The following QTMAN variants were observed in gnomAD, a reference collection of about 807,000 sequenced individuals.
QTMAN encodes tRNA-queuosine alpha-mannosyltransferase.
At chr2:144,196,961 A>C in the QTMAN span, among the ~76,000 whole-genome samples, 1 of 152,196 alleles carries the variant, frequency 6.6e-6, no homozygotes, top group Admixed American at 6.5e-5. Context: ...ATACAGTCAT[A>C]CATTGCTTGA....
the QTMAN span, among the ~76,000 whole-genome samples, chr2:144,309,112 T>C: frequency 6.6e-6 from 1 of 152,334 alleles, no homozygotes; most frequent in African/African-American, 2.4e-5. Context: ...AAAAGAATTA[T>C]ACCAAGTGCT....
chr2:143,996,782 T>C, the QTMAN span, among the ~76,000 whole-genome samples: 1 of 152,166 alleles, frequency 6.6e-6, no homozygotes, highest in Non-Finnish European at 1.5e-5. Context: ...ACAATGATTT[T>C]TGAGGGGTGA....
the QTMAN span, among the ~76,000 whole-genome samples, chr2:144,233,266 C>A: frequency 6.6e-6 from 1 of 152,022 alleles, no homozygotes; most frequent in Non-Finnish European, 1.5e-5. Context: ...CCAAAGTTAG[C>A]AATAGTAGCA....
chr2:144,189,181 T>A, the QTMAN span, among the ~76,000 whole-genome samples: 3 of 152,130 alleles, frequency 2.0e-5, no homozygotes, highest in Non-Finnish European at 4.4e-5. Flanking sequence ...TGAGACAAGG[T>A]CTGGATATGT....
the QTMAN span, among the ~76,000 whole-genome samples, chr2:144,082,672 A>G: frequency 2.0e-5 from 3 of 152,198 alleles, no homozygotes; most frequent in Non-Finnish European, 4.4e-5. Flanking sequence ...CTTATGTTAC[A>G]GATGAAGAAA....
chr2:144,038,436 A>G, the QTMAN span, among the ~76,000 whole-genome samples: 8 of 152,338 alleles, frequency 5.3e-5, no homozygotes, highest in African/African-American at 1.4e-4. Context: ...TTGAAAAACA[A>G]TGATACAATT....
the QTMAN span, among the ~76,000 whole-genome samples, chr2:144,181,466 T>A: frequency 1.3e-5 from 2 of 152,214 alleles, no homozygotes; most frequent in African/African-American, 4.8e-5. Context: ...AAAACTAAGA[T>A]CACTAATAAG....
chr2:143,982,553 T>C, the QTMAN span, among the ~76,000 whole-genome samples: 1 of 151,432 alleles, frequency 6.6e-6, no homozygotes, highest in Non-Finnish European at 1.5e-5. Flanking sequence ...AATTTATTTA[T>C]AGCAAAGAAA....
At chr2:144,120,062 T>C in the QTMAN span, among the ~76,000 whole-genome samples, 1 of 152,212 alleles carries the variant, frequency 6.6e-6, no homozygotes, top group South Asian at 2.1e-4. Context: ...ATGATAAATC[T>C]TCAGAAATTT....
chr2:144,119,942 A>C, the QTMAN span, among the ~76,000 whole-genome samples: 1 of 152,186 alleles, frequency 6.6e-6, no homozygotes, highest in East Asian at 1.9e-4. Flanking sequence ...TTAATTCATA[A>C]ACTGAAGTGG....
At chr2:144,155,897 A>G in the QTMAN span, among the ~76,000 whole-genome samples, 30 of 152,194 alleles carry the variant, frequency 2.0e-4, no homozygotes, top group African/African-American at 7.0e-4. Context: ...TGTTCCTGAC[A>G]ACCATGAAAA....
At chr2:144,181,855 G>C in the QTMAN span, among the ~76,000 whole-genome samples, 1 of 152,014 alleles carries the variant, frequency 6.6e-6, no homozygotes, top group Admixed American at 6.6e-5. Flanking sequence ...TTATGTGACA[G>C]TTATGACATT....
chr2:144,182,839 A>T, the QTMAN span, among the ~76,000 whole-genome samples: 4 of 68,886 alleles, frequency 5.8e-5, no homozygotes, highest in Non-Finnish European at 1.0e-4. Flanking sequence ...ATATATATAT[A>T]TTATATATAT....
the QTMAN span, among the ~76,000 whole-genome samples, chr2:144,265,456 G>C: frequency 6.6e-6 from 1 of 152,158 alleles, no homozygotes; most frequent in Non-Finnish European, 1.5e-5. Flanking sequence ...CCAGCACTTT[G>C]GGAGGCTGAG....
the QTMAN span, among the ~76,000 whole-genome samples, chr2:144,196,892 A>G: frequency 6.6e-6 from 1 of 152,196 alleles, no homozygotes; most frequent in Non-Finnish European, 1.5e-5. Flanking sequence ...GGGGATAGTG[A>G]TAAGTTTGAC....
At chr2:143,949,525 G>T in the QTMAN span, among the ~76,000 whole-genome samples, 1 of 151,810 alleles carries the variant, frequency 6.6e-6, no homozygotes, top group Non-Finnish European at 1.5e-5. Flanking sequence ...AAAGAGTAAG[G>T]TGTAAAAATG....
the QTMAN span, among the ~76,000 whole-genome samples, chr2:144,032,522 A>G: frequency 1.3e-5 from 2 of 152,232 alleles, no homozygotes; most frequent in Non-Finnish European, 2.9e-5. Flanking sequence ...TCCGTCTTGC[A>G]TATTATAAGC....
At chr2:144,151,263 T>C in the QTMAN span, among the ~76,000 whole-genome samples, 1 of 152,166 alleles carries the variant, frequency 6.6e-6, no homozygotes, top group Non-Finnish European at 1.5e-5. Flanking sequence ...AAAGGTATGA[T>C]TTTTTATTAC....
chr2:144,138,588 G>C, the QTMAN span, among the ~76,000 whole-genome samples: 1 of 152,204 alleles, frequency 6.6e-6, no homozygotes, highest in East Asian at 1.9e-4. Flanking sequence ...ATGAGTTCTG[G>C]AAAAGAAGTG....
Sources: allele counts gnomAD v4.1 joint callset (sites outside exome capture counted in the v4.1 genomes callset), GRCh38; gene constraint gnomAD v4.1.1; transcripts MANE v1.5; gene names NCBI Gene and HGNC (gene_info 2026-07-23, HGNC 2026-07-21).